Variants in PLXDC2 observed in about 807,000 individuals in gnomAD.
PLXDC2 encodes the protein plexin domain-containing protein 2.
In PLXDC2, 40 loss-of-function variants were observed where a neutral mutation model predicts 68.9. The ratio of observed to expected loss-of-function variants is 0.58; its 90% CI spans 0.45 to 0.76. PLXDC2 has a LOEUF of 0.76. PLXDC2 is among the 30% of genes least tolerant of loss of function. The probability of loss-of-function intolerance (pLI) is 0.00; values close to 1 mark genes in which losing one functional copy is unlikely to be tolerated. For synonymous variants in PLXDC2, 243 were observed against 234.2 expected (o/e 1.04, Z -0.34); for missense variants, 644 against 661.9 (o/e 0.97, Z 0.30).
rs183884116 is a variant in PLXDC2 at position 19,866,472 on chromosome 10, C to A, written c.112+49281C>A. On this transcript the variant is annotated intron_variant, in intron 1 of 13. Transcript: ENST00000377252. The stretch of plus-strand genomic sequence containing the variant: ...GCCTCTTTCTCACACTTAAAAGGAA[C>A]CTTGTGATTACACTAGGCCCACATG... Among the ~76,000 whole-genome samples, 63 of 152,302 alleles carry A rather than the reference C, an allele frequency of 4.1e-4. 1 individual carries two copies. In the East Asian group the frequency reaches 9.1e-3, roughly 22 times the overall value.
intron 13 of PLXDC2, among the ~76,000 whole-genome samples, chr10:20,252,265 C>A (rs1400961198): frequency 6.6e-6 from 1 of 152,086 alleles, no homozygotes; most frequent in Non-Finnish European, 1.5e-5. Context: ...TAGTCTAGAA[C>A]AAGTTATATG....
chr10:19,890,918 G>T (rs1837948264), intron 1 of PLXDC2, among the ~76,000 whole-genome samples: 1 of 151,856 alleles, frequency 6.6e-6, no homozygotes, highest in Admixed American at 6.6e-5. Flanking sequence ...ATACATAAAA[G>T]CCACTTGAAA....
At chr10:20,127,916 C>T (rs1833814335) in intron 4 of PLXDC2, among the ~76,000 whole-genome samples, 1 of 152,166 alleles carries the variant, frequency 6.6e-6, no homozygotes, top group Admixed American at 6.5e-5. Flanking sequence ...AATGCATGAG[C>T]TTCCCTCTCT....
At chr10:20,068,311 T>C in intron 4 of PLXDC2, 72 bp downstream of exon 4, 1 of 1,243,514 alleles carries the variant, frequency 8.0e-7, no homozygotes, top group Middle Eastern at 1.9e-4. Context: ...TAAGTTACTC[T>C]ATATTTCAAG....
intron 1 of PLXDC2, among the ~76,000 whole-genome samples, chr10:19,856,661 A>T (rs549052553): frequency 6.6e-6 from 1 of 152,288 alleles, no homozygotes; most frequent in African/African-American, 2.4e-5. Flanking sequence ...ACAGCTCAAC[A>T]CTGGCATTTC....
At chr10:19,851,098 G>T (rs372371076) in intron 1 of PLXDC2, among the ~76,000 whole-genome samples, 3 of 152,008 alleles carry the variant, frequency 2.0e-5, no homozygotes, top group Non-Finnish European at 2.9e-5. Context: ...CATTGATAAG[G>T]GTAATAAATA....
chr10:20,006,401 C>T (rs1048944412), intron 2 of PLXDC2, among the ~76,000 whole-genome samples: 20 of 152,068 alleles, frequency 1.3e-4, no homozygotes, highest in Admixed American at 1.1e-3. Context: ...TTCCTTTAGA[C>T]GCTTTCAAAC....
chr10:20,236,258 A>G (rs1268544786), intron 12 of PLXDC2, among the ~76,000 whole-genome samples: 4 of 152,042 alleles, frequency 2.6e-5, no homozygotes, highest in Non-Finnish European at 5.9e-5. Context: ...CCTGGCCAAC[A>G]TAGTGAAAGC....
intron 1 of PLXDC2, among the ~76,000 whole-genome samples, chr10:19,952,001 G>T (rs965545551): frequency 2.0e-5 from 3 of 152,026 alleles, no homozygotes; most frequent in Non-Finnish European, 4.4e-5. Flanking sequence ...ACACGGTGAG[G>T]GGGGAAGGAA....
intron 1 of PLXDC2, among the ~76,000 whole-genome samples, chr10:19,851,274 A>G (rs367651624): frequency 2.0e-5 from 3 of 152,184 alleles, no homozygotes; most frequent in African/African-American, 4.8e-5. Flanking sequence ...CTCTCAAGAC[A>G]TATTTGTTCA....
chr10:19,891,778 T>C (rs1268090281), intron 1 of PLXDC2, among the ~76,000 whole-genome samples: 3 of 152,206 alleles, frequency 2.0e-5, no homozygotes, highest in Non-Finnish European at 2.9e-5. Flanking sequence ...AAAACCCAAG[T>C]CTAATAAACC....
rs769870887 is a variant in PLXDC2 at position 20,245,381 on chromosome 10, G to A, written c.1349G>A (p.Gly450Glu). 2 of 1,613,630 alleles carry A rather than the reference G, an allele frequency of 1.2e-6. No homozygotes were observed. The highest frequency in any genetic ancestry group is 1.7e-6 in the Non-Finnish European group (2 of 1,179,822). The change falls in exon 13 of 14, where the codon GGA (glycine) becomes GAA (glutamate). Residue 450 changes from glycine (G) to glutamate (E), a missense_variant. Around this residue, in one of 3 missense-constraint regions of PLXDC2, gnomAD observed 330 missense variants for 327.9 expected, o/e 1.01. Coordinates refer to ENST00000377252, the MANE Select transcript of PLXDC2 (RefSeq NM_032812.9). ...GACAGTGCAGCTGAGAAGAAAGGGG[G>A]AACCCTCCACGCTGGCCTCATCATT... is the stretch of plus-strand genomic sequence containing the variant. ...TDDSAAEKKG[G>E]TLHAGLIIGI...
intron 9 of PLXDC2, among the ~76,000 whole-genome samples, chr10:20,205,477 G>T (rs963851985): frequency 6.6e-6 from 1 of 152,092 alleles, no homozygotes; most frequent in African/African-American, 2.4e-5. Flanking sequence ...TGGCCCATAT[G>T]TGAGAGCAAC....
intron 1 of PLXDC2, among the ~76,000 whole-genome samples, chr10:19,904,537 G>T (rs774027196): frequency 6.6e-6 from 1 of 152,066 alleles, no homozygotes; most frequent in African/African-American, 2.4e-5. Context: ...GGTGACCAGG[G>T]CTGAGAACTT....
intron 13 of PLXDC2, among the ~76,000 whole-genome samples, chr10:20,274,068 AAGGGG>A (rs886769362): frequency 2.0e-4 from 29 of 144,462 alleles, no homozygotes; most frequent in South Asian, 7.6e-4. Flanking sequence ...AAGGGAAGGG[AAGGGG>A]AGGGGAGGGG....
chr10:19,909,527 A>G (rs1833228421), intron 1 of PLXDC2, among the ~76,000 whole-genome samples: 1 of 152,222 alleles, frequency 6.6e-6, no homozygotes, highest in East Asian at 1.9e-4. Flanking sequence ...TGACCACAGC[A>G]GAAGAGAAAA....
chr10:20,032,846 A>T (rs567199647), intron 2 of PLXDC2, among the ~76,000 whole-genome samples: 1 of 151,846 alleles, frequency 6.6e-6, no homozygotes, highest in South Asian at 2.1e-4. Flanking sequence ...CAAGCAGAGG[A>T]CTTGGGAATA....
At chr10:19,938,158 T>C (rs973449661) in intron 1 of PLXDC2, among the ~76,000 whole-genome samples, 2 of 152,156 alleles carry the variant, frequency 1.3e-5, no homozygotes, top group Non-Finnish European at 2.9e-5. Flanking sequence ...TTGGCATAAT[T>C]TGCATAATCC....
chr10:20,272,691 G>T (rs117342395), intron 13 of PLXDC2, among the ~76,000 whole-genome samples: 11 of 152,238 alleles, frequency 7.2e-5, no homozygotes, highest in African/African-American at 2.2e-4. Flanking sequence ...AATAAAATTG[G>T]CTTGTTATTA....
Sources: gnomAD v4.1 joint callset for allele counts (sites outside exome capture counted in the v4.1 genomes callset) on GRCh38, gnomAD v4.1.1 for gene constraint, gnomAD v4.1.1 regional missense constraint, MANE v1.5 for transcripts, NCBI Gene and HGNC (gene_info 2026-07-23, HGNC 2026-07-21) for gene names.